BAHD1: variants seen among roughly 807,000 people sequenced by gnomAD.
BAHD1 encodes bromo adjacent homology domain containing 1.
BAHD1 carries 20 observed loss-of-function variants against 63.1 expected under a neutral mutation model. That is an observed-to-expected ratio of 0.32 (90% confidence interval 0.22 to 0.46). BAHD1 has a LOEUF of 0.46. Ranked by LOEUF, BAHD1 falls within the 20% of genes least tolerant of loss-of-function variation. The pLI is 1.00. For synonymous variants in BAHD1, 408 were observed against 426.8 expected (o/e 0.96, Z 0.54); for missense variants, 939 against 1,071.8 (o/e 0.88, Z 1.73).
intron 4 of BAHD1, 197 bp downstream of exon 4, chr15:40,464,217 C>A: frequency 1.4e-6 from 1 of 710,600 alleles, no homozygotes; most frequent in Non-Finnish European, 2.3e-6. Flanking sequence ...TGGATCAGCT[C>A]ATTAACCTTT....
chr15:40,466,183 G>A lies in BAHD1; in HGVS notation c.*53G>A. 6.4e-7 allele frequency: 1 copy of A among 1,559,986 alleles called. No individual in the cohort carries two copies. Among genetic ancestry groups the A allele is most frequent in the East Asian group, 2.3e-5 (1 of 44,258 alleles). On this transcript the variant is annotated 3_prime_UTR_variant, in exon 7 of 7. Transcript: ENST00000416165. The stretch of plus-strand genomic sequence containing the variant: ...CATGGGCAAGTGGGGCTCGGGGTAG[G>A]GGGCACTGCTTGAAGCACAGCACTT...
At chr15:40,451,586 C>T (rs555565161) in intron 1 of BAHD1, among the ~76,000 whole-genome samples, 1 of 152,246 alleles carries the variant, frequency 6.6e-6, no homozygotes, top group Admixed American at 6.5e-5. Flanking sequence ...TCACAGCAAC[C>T]TTGCTGTGTA....
chr15:40,459,866 G>T lies in BAHD1; in HGVS notation c.1402G>T (p.Gly468Cys). Residue 468 changes from glycine (G) to cysteine (C), a missense_variant, in exon 2 of 7, where the codon GGC becomes TGC. Gly to Cys is a radical substitution (Grantham distance 159). Around this residue, in one of 5 missense-constraint regions of BAHD1, gnomAD observed 797 missense variants for 813.3 expected, o/e 0.98. Transcript: ENST00000416165. The stretch of plus-strand genomic sequence containing the variant: ...TACCCACGCTGGCACTACCTGTGGC[G>T]GCTGCCCATACAAAATGCCTTTTGC... The part of the protein sequence containing the change: ...SVTHAGTTCG[G>C]CPYKMPFAAE... 1 of 1,597,050 alleles carries T rather than the reference G, an allele frequency of 6.3e-7. No homozygotes were observed. Among genetic ancestry groups the T allele is most frequent in the Non-Finnish European group, 8.5e-7 (1 of 1,169,768 alleles).
At chr15:40,443,303 T>A (rs934945209) in intron 1 of BAHD1, 44 of 985,414 alleles carry the variant, frequency 4.5e-5, no homozygotes, top group Admixed American at 6.1e-5. Flanking sequence ...CCAGCCTGGA[T>A]GGAGCTGAGG....
upstream of BAHD1, among the ~76,000 whole-genome samples, chr15:40,438,085 G>A (rs549426033): frequency 6.5e-4 from 99 of 152,240 alleles, no homozygotes; most frequent in Middle Eastern, 0.02. Flanking sequence ...TTTTCAGTGG[G>A]AGACCTCTGG....
At chr15:40,447,601 A>G (rs1893577769) in intron 1 of BAHD1, among the ~76,000 whole-genome samples, 1 of 140,260 alleles carries the variant, frequency 7.1e-6, no homozygotes, top group African/African-American at 2.7e-5. Context: ...TAAATAAATA[A>G]ATAAATAAAT....
At chr15:40,444,995 T>C (rs555274495) in intron 1 of BAHD1, among the ~76,000 whole-genome samples, 8 of 152,078 alleles carry the variant, frequency 5.3e-5, no homozygotes, top group South Asian at 2.1e-4. Context: ...CTCTCCTCCT[T>C]CTACTGTAGC....
intron 1 of BAHD1, among the ~76,000 whole-genome samples, chr15:40,449,741 C>T (rs1893649023): frequency 1.3e-5 from 2 of 149,732 alleles, no homozygotes; most frequent in Admixed American, 6.7e-5. Context: ...CCCAGGAATT[C>T]GAGGCTACAG....
At position 40,443,789 on chromosome 15, in the gene BAHD1, C is replaced by T. The variant is rs553356460; in HGVS notation, c.-15+2521C>T. Among the ~76,000 whole-genome samples, 29 of 152,298 alleles carry T rather than the reference C, an allele frequency of 1.9e-4. No individual in the cohort carries two copies. In the South Asian group the frequency reaches 5.2e-3, roughly 27 times the overall value. ...TCATTCTTCCTAAAACACCCCTTCC[C>T]GGTGTCACTCCCTTTCTCACAGACT... On this transcript the variant is annotated intron_variant, in intron 1 of 6. Transcript: ENST00000416165.
intron 1 of BAHD1, among the ~76,000 whole-genome samples, chr15:40,447,702 G>A (rs1458491930): frequency 6.6e-6 from 1 of 152,012 alleles, no homozygotes; most frequent in East Asian, 1.9e-4. Context: ...GTAGACAAGG[G>A]GCAGTTAATA....
intron 2 of BAHD1, among the ~76,000 whole-genome samples, chr15:40,461,364 G>A (rs1388723083): frequency 6.6e-6 from 1 of 152,152 alleles, no homozygotes; most frequent in Non-Finnish European, 1.5e-5. Context: ...AGGGCCAGGC[G>A]CGGTGGCTCA....
upstream of BAHD1, among the ~76,000 whole-genome samples, chr15:40,440,940 C>G (rs1893378263): frequency 1.3e-5 from 2 of 152,012 alleles, no homozygotes; most frequent in Non-Finnish European, 2.9e-5. Flanking sequence ...GCGGCGGAGG[C>G]TCCGCTCTCG....
At chr15:40,437,659 G>A (rs1261044468), upstream of BAHD1, among the ~76,000 whole-genome samples, 1 of 152,220 alleles carries the variant, frequency 6.6e-6, no homozygotes, top group Non-Finnish European at 1.5e-5. Context: ...CAGGAAAGAA[G>A]GTGGGACCTG....
At chr15:40,462,928 C>T (rs1201274946) in intron 3 of BAHD1, among the ~76,000 whole-genome samples, 1 of 152,138 alleles carries the variant, frequency 6.6e-6, no homozygotes, top group African/African-American at 2.4e-5. Flanking sequence ...GAGCTGATTG[C>T]ACCACTGCAC....
At chr15:40,444,122 TGTGTGTGTGA>T (rs955112555) in intron 1 of BAHD1, among the ~76,000 whole-genome samples, 2 of 152,062 alleles carry the variant, frequency 1.3e-5, no homozygotes, top group African/African-American at 4.8e-5. Context: ...TGTGTGTGTG[TGTGTGTGTGA>T]ATATTCTGGT....
At chr15:40,462,410 G>A in intron 3 of BAHD1, 116 bp downstream of exon 3, 2 of 1,392,550 alleles carry the variant, frequency 1.4e-6, no homozygotes, top group South Asian at 1.4e-5. Context: ...GCTGACAAGG[G>A]ACTCCAGTTT....
intron 6 of BAHD1, among the ~76,000 whole-genome samples, chr15:40,465,661 G>C (rs935020907): frequency 6.6e-6 from 1 of 152,232 alleles, no homozygotes; most frequent in Non-Finnish European, 1.5e-5. Context: ...AGAATGGTTG[G>C]AGCAGAGTTG....
chr15:40,442,096 C>T (rs1208990125), intron 1 of BAHD1, among the ~76,000 whole-genome samples: 1 of 152,170 alleles, frequency 6.6e-6, no homozygotes, highest in Non-Finnish European at 1.5e-5. Context: ...CGCGGCCCGG[C>T]CTGGTCTTGC....
At chr15:40,441,991 T>G (rs1595843795) in intron 1 of BAHD1, among the ~76,000 whole-genome samples, 1 of 148,360 alleles carries the variant, frequency 6.7e-6, no homozygotes, top group East Asian at 2.0e-4. Flanking sequence ...CGGGAGGCCC[T>G]GCGGGGACCT....
Sources: allele counts gnomAD v4.1 joint callset (sites outside exome capture counted in the v4.1 genomes callset), GRCh38; gene constraint gnomAD v4.1.1; regional missense constraint gnomAD v4.1.1; transcripts MANE v1.5; gene names NCBI Gene and HGNC (gene_info 2026-07-23, HGNC 2026-07-21).